OLFML2A: variants seen among roughly 807,000 people sequenced by gnomAD.
OLFML2A encodes the protein olfactomedin-like protein 2A.
Under a neutral mutation model 60.9 loss-of-function variants are expected in OLFML2A, and 47 were observed. The ratio of observed to expected loss-of-function variants is 0.77; its 90% confidence interval spans 0.61 to 0.98. The LOEUF is 0.98. Among genes scored for constraint, OLFML2A ranks in the 50% least tolerant of loss-of-function variants. The pLI, the probability that OLFML2A is intolerant of heterozygous loss-of-function variation, is 0.00. For missense variants in OLFML2A, 922 were observed against 879.8 expected, an observed-to-expected ratio of 1.05 and a Z score of -0.61; for synonymous variants, 372 against 375.0, an observed-to-expected ratio of 0.99 and a Z score of 0.09.
At chr9:124,788,824 C>T (rs944813808) in intron 2 of OLFML2A, among the ~76,000 whole-genome samples, 1 of 152,180 alleles carries the variant, frequency 6.6e-6, no homozygotes. Context: ...TCTGGTGGAG[C>T]TAAGATTTGA....
At chr9:124,809,193 G>A (rs1841955131) in intron 7 of OLFML2A, among the ~76,000 whole-genome samples, 2 of 151,890 alleles carry the variant, frequency 1.3e-5, no homozygotes, top group African/African-American at 2.4e-5. Flanking sequence ...ATAAAGGCCT[G>A]GAACAACTGA....
intron 4 of OLFML2A, among the ~76,000 whole-genome samples, chr9:124,799,875 G>A (rs1012465261): frequency 2.0e-5 from 3 of 152,204 alleles, no homozygotes; most frequent in African/African-American, 4.8e-5. Flanking sequence ...CTGTGGCTGG[G>A]TTGAGCCTGC....
Position 124,795,082 on chromosome 9 carries a change from T to C in OLFML2A, c.413T>C (p.Val138Ala), listed in dbSNP as rs1169203415. The C allele has an allele frequency of 6.2e-6, 10 of 1,609,282 alleles. No homozygotes were observed. In the East Asian group the frequency reaches 2.0e-4, roughly 32 times the overall value. ...CTGTACAGCATGGACTTGATGAAGG[T>C]GCACGCCTACGTCCACAAGGTGGCC... ...GTLYSMDLMK[V>A]HAYVHKVASQ... Residue 138 changes from valine to alanine, a missense_variant, in exon 3 of 8, where the codon GTG (valine) becomes GCG (alanine). Val to Ala is a moderately conservative substitution (Grantham distance 64). Coordinates refer to ENST00000373580, the MANE Select transcript of OLFML2A (RefSeq NM_182487.4).
At chr9:124,789,399 G>C (rs1036667673) in intron 2 of OLFML2A, among the ~76,000 whole-genome samples, 8 of 152,226 alleles carry the variant, frequency 5.3e-5, no homozygotes, top group Non-Finnish European at 1.2e-4. Context: ...CTGGTTCAAA[G>C]ACAAAGGACT....
Position 124,804,129 on chromosome 9 carries a change from C to G in OLFML2A, c.955C>G (p.Leu319Val). The G allele has an allele frequency of 6.2e-7, 1 of 1,614,142 alleles. No individual in the cohort carries two copies. The highest frequency in any genetic ancestry group is 1.7e-5 in the Admixed American group (1 of 60,032). Reference sequence around the variant, plus strand: ...CCAGGGCACTTCCTGGCTGGAGCAACTGCCGCCCAAGGTGGAGGGCAGGTC... The same window carrying G: ...CCAGGGCACTTCCTGGCTGGAGCAAGTGCCGCCCAAGGTGGAGGGCAGGTC... ...TLQGTSWLEQ[L>V]PPKVEGRSNS... is the part of the protein sequence containing the mutation. The change falls in exon 6 of 8, where the codon CTG becomes GTG. Residue 319 changes from leucine to valine, a missense_variant. Leu to Val is a conservative substitution (Grantham distance 32). Coordinates refer to ENST00000373580, the MANE Select transcript of OLFML2A (RefSeq NM_182487.4).
rs1046556969 is a variant in OLFML2A, at chr9:124,811,607, A to C, written c.*1195A>C. The stretch of plus-strand genomic sequence containing the variant: ...AGGCCTTCTTCTGGTTGCAGGAGAG[A>C]ACCAGAGGGTGGGAACGGGGAGGGA... On this transcript the variant is annotated 3_prime_UTR_variant, in exon 8 of 8. Transcript: ENST00000373580. 3 of 152,170 alleles carry C rather than the reference A, an allele frequency of 2.0e-5. No individual in the cohort carries two copies. Among genetic ancestry groups the C allele is most frequent in the African/African-American group, 7.2e-5 (3 of 41,408 alleles). The allele number at this position is 152,170 out of a possible 1,614,324, so 9.4% of individuals were successfully genotyped here. A position where few individuals can be genotyped will look rare whatever the true frequency, so the allele number is the denominator to read the frequency against.
intron 4 of OLFML2A, 96 bp from the exon 5 acceptor site, chr9:124,801,318 C>T: frequency 7.6e-7 from 1 of 1,322,726 alleles, no homozygotes; most frequent in Non-Finnish European, 1.1e-6. Context: ...CCTGGGGCAA[C>T]ATGGCCACCT....
Position 124,777,257 on chromosome 9 carries a change from G to C in OLFML2A, c.-14G>C. ...CCGTGCCCGGCCGCCTGTGCCTACC[G>C]TGCCCGTGGCGCCATGGCCGCTGCC... On this transcript the variant is annotated 5_prime_UTR_variant, in exon 1 of 8. Transcript: ENST00000373580. This position sits in a 1 kb window ranked among gnomAD's most constrained non-coding sequence, Gnocchi z 6.2. 1 of 1,087,944 alleles carries C rather than the reference G, an allele frequency of 9.2e-7. No homozygotes were observed. The highest frequency in any genetic ancestry group is 1.2e-6 in the Non-Finnish European group (1 of 853,318). The allele number at this position is 1,087,944 out of a possible 1,614,324, so 67.4% of individuals were successfully genotyped here.
intron 6 of OLFML2A, 77 bp from the exon 7 acceptor site, chr9:124,807,704 T>A: frequency 8.4e-7 from 1 of 1,190,038 alleles, no homozygotes; most frequent in Non-Finnish European, 1.2e-6. Context: ...TAGACCCAGA[T>A]AACATTCCCA....
intron 7 of OLFML2A, among the ~76,000 whole-genome samples, chr9:124,808,168 T>G (rs531564420): frequency 6.6e-6 from 1 of 152,316 alleles, no homozygotes; most frequent in South Asian, 2.1e-4. Context: ...CACCCCGGTG[T>G]GCTAGCACCC....
rs148536738 is a variant in OLFML2A at position 124,810,503 on chromosome 9, T to C, written c.*91T>C. On this transcript the variant is annotated 3_prime_UTR_variant, in exon 8 of 8. Coordinates refer to ENST00000373580, the MANE Select transcript of OLFML2A (RefSeq NM_182487.4). Reference sequence around the variant, plus strand: ...AACTGACCCAGTCCGCAAATATTTATTGGGGGCCAGCCCAGGGCTGGGACT... The same window carrying C: ...AACTGACCCAGTCCGCAAATATTTACTGGGGGCCAGCCCAGGGCTGGGACT... 4.8e-3 allele frequency: 6,353 copies of C among 1,324,914 alleles called. 261 individuals are homozygous for C. In the Admixed American group the frequency reaches 0.086, roughly 18 times the overall value. The allele number at this position is 1,324,914 out of a possible 1,614,324, so 82.1% of individuals were successfully genotyped here.
At chr9:124,804,656 A>G (rs1588888586) in intron 6 of OLFML2A, among the ~76,000 whole-genome samples, 2 of 150,296 alleles carry the variant, frequency 1.3e-5, no homozygotes, top group African/African-American at 4.9e-5. Flanking sequence ...CCCAGGAGGC[A>G]GAGGTTGCAG....
intron 5 of OLFML2A, among the ~76,000 whole-genome samples, chr9:124,801,905 T>G (rs989798986): frequency 6.6e-5 from 10 of 152,204 alleles, no homozygotes; most frequent in Admixed American, 5.9e-4. Flanking sequence ...TGTCTTCACC[T>G]TCACTGGACT....
At chr9:124,794,941 T>C (rs1293693659) in intron 2 of OLFML2A, 83 bp from the exon 3 acceptor site, 4 of 809,230 alleles carry the variant, frequency 4.9e-6, no homozygotes, top group African/African-American at 3.4e-5. Context: ...GAGTTCTCAA[T>C]TGCAGCAGGG....
rs574093798 is a variant in OLFML2A at position 124,799,447 on chromosome 9, G to A, written c.625G>A (p.Ala209Thr). Residue 209 changes from alanine to threonine, a missense_variant, in exon 4 of 8, where the codon GCC becomes ACC. By Grantham distance (58) the Ala-to-Thr change is moderately conservative. Transcript: ENST00000373580. ...GLQLLQKDAA[A>T]APATPATGTG... ...CCAGCTGCTGCAGAAGGATGCCGCC[G>A]CCGCCCCTGCCACCCCTGCCACGGG... 1,543 of 1,606,618 alleles carry A rather than the reference G, an allele frequency of 9.6e-4. 24 individuals are homozygous for A. The South Asian group carries it at 0.016, about 16-fold the overall frequency.
At chr9:124,801,328 T>A (rs983772606) in intron 4 of OLFML2A, 86 bp from the exon 5 acceptor site, 18 of 1,416,918 alleles carry the variant, frequency 1.3e-5, no homozygotes, top group Middle Eastern at 1.8e-4. Context: ...CATGGCCACC[T>A]CCAGTCCCCA....
chr9:124,799,482 C>T lies in OLFML2A; in HGVS notation c.660C>T (p.Ser220=), dbSNP rs1192776436. The T allele has an allele frequency of 6.3e-7, 1 of 1,594,798 alleles. No homozygotes were observed. The highest frequency in any genetic ancestry group is 2.3e-5 in the East Asian group (1 of 44,230). Residue 220 remains serine, a synonymous_variant, in exon 4 of 8, where the codon AGC becomes AGT. Coordinates refer to ENST00000373580, the MANE Select transcript of OLFML2A (RefSeq NM_182487.4). ...APATPATGTG[S]KAQDTARGKG... ...CCACCCCTGCCACGGGCACTGGTAGCAAGGCCCAGGTGAGGCCCCAGCTCT... is the reference window on the plus strand; with the variant it reads ...CCACCCCTGCCACGGGCACTGGTAGTAAGGCCCAGGTGAGGCCCCAGCTCT...
intron 4 of OLFML2A, chr9:124,801,054 AAG>A (rs1387389007): frequency 1.3e-6 from 2 of 1,551,386 alleles, no homozygotes; most frequent in Non-Finnish European, 1.7e-6. Context: ...ACCAATGAGT[AAG>A]AGAGACAAGG....
rs1456516613 is a variant in OLFML2A, at chr9:124,814,841, G to A, written c.*4429G>A. 6.6e-6 allele frequency: 1 copy of A among 152,120 alleles called. No individual in the cohort carries two copies. Among genetic ancestry groups the A allele is most frequent in the African/African-American group, 2.4e-5 (1 of 41,412 alleles). 9.4% of individuals were successfully genotyped at this position (152,120 alleles called of 1,614,324 possible). ...AGATATCTGTTTTGCAACAAGATGGGCTATATCTAAATAAAGACATGATCA... is the reference window on the plus strand; with the variant it reads ...AGATATCTGTTTTGCAACAAGATGGACTATATCTAAATAAAGACATGATCA... On this transcript the variant is annotated 3_prime_UTR_variant, in exon 8 of 8. Transcript: ENST00000373580.
Sources: gnomAD v4.1 joint callset for allele counts (sites outside exome capture counted in the v4.1 genomes callset) on GRCh38, gnomAD v4.1.1 for gene constraint, Gnocchi (gnomAD v3.1) non-coding constraint, MANE v1.5 for transcripts, NCBI Gene and HGNC (gene_info 2026-07-23, HGNC 2026-07-21) for gene names.